Variants in USP13 observed in about 807,000 individuals in gnomAD.
The protein encoded by USP13 is ubiquitin carboxyl-terminal hydrolase 13.
A neutral mutation model predicts 107.8 loss-of-function variants in USP13; 68 were observed. The observed-to-expected ratio is 0.63, with a 90% CI of 0.52 to 0.77. The LOEUF is 0.77. Among genes scored for constraint, USP13 ranks in the 30% least tolerant of loss-of-function variants. The pLI is 0.00. For missense variants in USP13, 945 were observed against 1,093.3 expected, an observed-to-expected ratio of 0.86 and a Z score of 1.91; for synonymous variants, 377 against 389.5, an observed-to-expected ratio of 0.97 and a Z score of 0.38.
intron 4 of USP13, among the ~76,000 whole-genome samples, chr3:179,702,238 C>T (rs1263746605): frequency 6.6e-6 from 1 of 152,150 alleles, no homozygotes; most frequent in Non-Finnish European, 1.5e-5. Flanking sequence ...CCAGGATGGT[C>T]TCGATCTCCT....
rs1438100695 is a variant in USP13 at position 179,653,190 on chromosome 3, G to GGCTCGGCTC, written c.-26_-18dup. 3.4e-5 allele frequency: 44 copies of GGCTCGGCTC among 1,287,616 alleles called. No individual in the cohort carries two copies. Among genetic ancestry groups the GGCTCGGCTC allele is most frequent in the South Asian group, 9.4e-5 (4 of 42,720 alleles). 79.8% of individuals were successfully genotyped at this position (1,287,616 alleles called of 1,614,324 possible). On this transcript the variant is annotated 5_prime_UTR_variant, in exon 1 of 21. Transcript: ENST00000263966. The surrounding 1 kb of genome is among the most constrained non-coding windows in gnomAD (Gnocchi z 4.0). ...CCGGCAGACCCCGCGCTCCGGCTCC[G>GGCTCGGCTC]GCTCGGCTCGCTCGGCTCCGGTGCG...
At position 179,788,677 on chromosome 3, in the gene USP13, A is replaced by G. The variant is rs878961293; in HGVS notation, c.*4536A>G. The G allele has an allele frequency of 6.6e-6, 1 of 152,084 alleles. No individual in the cohort carries two copies. The highest frequency in any genetic ancestry group is 1.5e-5 in the Non-Finnish European group (1 of 68,012). 9.4% of individuals were successfully genotyped at this position (152,084 alleles called of 1,614,324 possible). On this transcript the variant is annotated 3_prime_UTR_variant, in exon 21 of 21. Transcript: ENST00000263966. ...TCTTTTCACCCATTTTTATTTTTTT[A>G]AAAATGTGGCCCCTAAAGAACTTCA...
chr3:179,683,613 C>T (rs935688652), intron 2 of USP13, among the ~76,000 whole-genome samples: 2 of 152,152 alleles, frequency 1.3e-5, no homozygotes, highest in African/African-American at 4.8e-5. Flanking sequence ...TCATGAGACT[C>T]GTTCACTATC....
intron 19 of USP13, among the ~76,000 whole-genome samples, chr3:179,776,055 C>T (rs1462166035): frequency 2.0e-5 from 3 of 152,190 alleles, no homozygotes; most frequent in African/African-American, 4.8e-5. Context: ...CCAGGTCCCA[C>T]CTCCAACATT....
chr3:179,730,846 T>G, intron 10 of USP13, 137 bp downstream of exon 10: 1 of 717,314 alleles, frequency 1.4e-6, no homozygotes, highest in Non-Finnish European at 2.3e-6. Flanking sequence ...GTGTCTAGGG[T>G]GCCTGTCTGT....
At chr3:179,735,003 G>T (rs765486145) in intron 10 of USP13, among the ~76,000 whole-genome samples, 18 of 152,348 alleles carry the variant, frequency 1.2e-4, no homozygotes, top group Non-Finnish European at 2.5e-4. Context: ...GCATTTGGGA[G>T]AGATTCTGAA....
At chr3:179,673,769 C>T (rs977828468) in intron 1 of USP13, among the ~76,000 whole-genome samples, 3 of 152,152 alleles carry the variant, frequency 2.0e-5, no homozygotes, top group Non-Finnish European at 4.4e-5. Flanking sequence ...GCTTTCCTGG[C>T]GGGTGAGACA....
intron 19 of USP13, among the ~76,000 whole-genome samples, chr3:179,775,985 CACGG>C (rs1262935512): frequency 6.6e-6 from 1 of 152,208 alleles, no homozygotes; most frequent in Non-Finnish European, 1.5e-5. Context: ...GAGCAGATGT[CACGG>C]TCGAGGAGGT....
intron 1 of USP13, among the ~76,000 whole-genome samples, chr3:179,658,590 A>T (rs1488734919): frequency 6.6e-6 from 1 of 152,246 alleles, no homozygotes; most frequent in African/African-American, 2.4e-5. Flanking sequence ...AGTGACAAAG[A>T]GAAAGAAGGA....
At chr3:179,656,438 T>C (rs551524923) in intron 1 of USP13, among the ~76,000 whole-genome samples, 1 of 152,390 alleles carries the variant, frequency 6.6e-6, no homozygotes, top group Non-Finnish European at 1.5e-5. Context: ...TTTGCCATTC[T>C]TCACCTTTGT....
At chr3:179,690,366 G>T in intron 3 of USP13, 65 bp downstream of exon 3, 1 of 1,384,018 alleles carries the variant, frequency 7.2e-7, no homozygotes, top group Non-Finnish European at 1.0e-6. Context: ...GCATACTCAT[G>T]TGCATCTTTG....
intron 10 of USP13, among the ~76,000 whole-genome samples, chr3:179,733,466 AG>A (rs1273027400): frequency 6.6e-6 from 1 of 152,238 alleles, no homozygotes; most frequent in African/African-American, 2.4e-5. Flanking sequence ...AGAAGGAATT[AG>A]TTTCTCAGGC....
At chr3:179,757,282 G>A (rs1451057948) in intron 16 of USP13, 2 of 572,506 alleles carry the variant, frequency 3.5e-6, no homozygotes, top group African/African-American at 3.7e-5. Context: ...TTAGCATGAA[G>A]CTAACTAGCC....
intron 1 of USP13, among the ~76,000 whole-genome samples, chr3:179,664,228 A>G (rs1435264605): frequency 3.3e-5 from 5 of 150,696 alleles, no homozygotes; most frequent in Non-Finnish European, 7.4e-5. Flanking sequence ...TCAAGCTGGG[A>G]TTACAGGTGT....
At chr3:179,688,099 G>GTCCATCCATCCATCCA (rs763601246) in intron 2 of USP13, among the ~76,000 whole-genome samples, 45,779 of 140,002 alleles carry the variant, frequency 0.33, 7,456 homozygotes, top group Admixed American at 0.36. Context: ...CCATCCATCC[G>GTCCATCCATCCATCCA]TCCATCCATC....
intron 4 of USP13, among the ~76,000 whole-genome samples, chr3:179,706,219 T>C (rs536769783): frequency 1.3e-5 from 2 of 152,328 alleles, no homozygotes; most frequent in Admixed American, 6.5e-5. Context: ...GCAACCACAA[T>C]GTAAGTTTTT....
Position 179,744,662 on chromosome 3 carries a change from C to T in USP13, c.1535-381C>T, listed in dbSNP as rs138842186. Among the ~76,000 whole-genome samples, 20 of 152,260 alleles carry T rather than the reference C, an allele frequency of 1.3e-4. No homozygotes were observed. In the South Asian group the frequency reaches 1.5e-3, roughly 11 times the overall value. Reference sequence around the variant, plus strand: ...TTTCTGGCTGTGAAATACTCTGATGCGAAGGCCTTGTGTTGGGAGGATGGC... The same window carrying T: ...TTTCTGGCTGTGAAATACTCTGATGTGAAGGCCTTGTGTTGGGAGGATGGC... On this transcript the variant is annotated intron_variant, in intron 12 of 20. Transcript: ENST00000263966.
intron 1 of USP13, among the ~76,000 whole-genome samples, chr3:179,660,933 C>T (rs1720439277): frequency 6.6e-6 from 1 of 152,202 alleles, no homozygotes; most frequent in South Asian, 2.1e-4. Flanking sequence ...CCTCTTTATA[C>T]TCTTTAACTA....
chr3:179,757,037 T>C lies in USP13; in HGVS notation c.1922-15T>C. The C allele has an allele frequency of 6.2e-7, 1 of 1,613,954 alleles. No individual in the cohort carries two copies. Among genetic ancestry groups the C allele is most frequent in the Non-Finnish European group, 8.5e-7 (1 of 1,179,856 alleles). ...TGGTTTGGTCTCATTTTCTGTCCTC[T>C]CCCTTAATTTCCAGATCGCCTGATG... On this transcript the variant is annotated splice_polypyrimidine_tract_variant and intron_variant, in intron 15 of 20. Transcript: ENST00000263966.
Sources: gnomAD v4.1 joint callset for allele counts (sites outside exome capture counted in the v4.1 genomes callset) on GRCh38, gnomAD v4.1.1 for gene constraint, Gnocchi (gnomAD v3.1) non-coding constraint, MANE v1.5 for transcripts, NCBI Gene and HGNC (gene_info 2026-07-23, HGNC 2026-07-21) for gene names.